FLAD1: variants seen among roughly 807,000 people sequenced by gnomAD.
FLAD1 encodes the protein bifunctional FAD diphosphatase/FAD synthase.
A neutral mutation model predicts 55.0 loss-of-function variants in FLAD1; 35 were observed. The observed-to-expected ratio is 0.64, with a 90% CI of 0.49 to 0.84. FLAD1 has a LOEUF of 0.84. FLAD1 is among the 40% of genes least tolerant of loss of function. The pLI, the probability that FLAD1 is intolerant of heterozygous loss-of-function variation, is 0.00. For synonymous variants in FLAD1, 267 were observed against 303.0 expected (o/e 0.88, Z 1.23); for missense variants, 665 against 742.6 (o/e 0.90, Z 1.21).
At chr1:154,984,212 G>A (rs910379106) in intron 1 of FLAD1, 146 bp downstream of exon 1, 5 of 651,656 alleles carry the variant, frequency 7.7e-6, no homozygotes, top group Non-Finnish European at 1.1e-5. Flanking sequence ...CATATTGGAG[G>A]AAAATTAACC....
chr1:154,992,520 A>C (rs1161741845), intron 5 of FLAD1, 193 bp from the exon 6 acceptor site: 2 of 1,549,366 alleles, frequency 1.3e-6, no homozygotes, highest in Admixed American at 3.5e-5. Flanking sequence ...TGGAAAGCAG[A>C]GAGTGGAGAA....
In FLAD1 at chr1:154,988,173, CCGAGTCT is replaced by C. The variant is rs1558074687; in HGVS notation, c.443_449del (p.Arg148GlnfsTer7). 1 of 1,614,240 alleles carries C rather than the reference CCGAGTCT, an allele frequency of 6.2e-7. No individual in the cohort carries two copies. Among genetic ancestry groups the C allele is most frequent in the Non-Finnish European group, 8.5e-7 (1 of 1,180,048 alleles). On this transcript the variant is annotated frameshift_variant, in exon 2 of 7. Transcript: ENST00000292180. LOFTEE classifies it high-confidence loss of function. ...TGCGCTCCCTAGGGGTCCAGGTTTG[CCGAGTCT>C]CAGTTGTACCTGATGAGGTAGCCAC... is the stretch of plus-strand genomic sequence containing the variant.
chr1:154,988,918 A>C, intron 2 of FLAD1, 69 bp downstream of exon 2: 1 of 1,598,156 alleles, frequency 6.3e-7, no homozygotes. Context: ...TCAGTAATGC[A>C]GGGGCTGTTG....
chr1:154,987,130 C>T (rs899795408), intron 1 of FLAD1, among the ~76,000 whole-genome samples: 3 of 152,014 alleles, frequency 2.0e-5, no homozygotes, highest in Non-Finnish European at 2.9e-5. Context: ...CAGGCTCAAG[C>T]AGCCCACCCA....
At chr1:154,990,775 T>C (rs1307784249) in intron 5 of FLAD1, 5 of 373,684 alleles carry the variant, frequency 1.3e-5, no homozygotes, top group Non-Finnish European at 1.4e-5. Context: ...CTGTCCAATA[T>C]AGCCATTAAT....
Position 154,985,031 on chromosome 1 carries a change from ATTTTTTTTTTTTTTTTTTTTT to A in FLAD1, c.372+978_372+998del, listed in dbSNP as rs749772991. ...AGGTGTTAGCCGCCACACCTGGCTA[ATTTTTTTTTTTTTTTTTTTTT>A]TTTTTTTTTTTTCAGAAACGGTCTC... is the stretch of plus-strand genomic sequence containing the variant. On this transcript the variant is annotated intron_variant, in intron 1 of 6. Transcript: ENST00000292180. Among the ~76,000 whole-genome samples the A allele has an allele frequency of 5.8e-4, 19 of 32,592 alleles. No individual in the cohort carries two copies. The Admixed American group carries it at 9.8e-3, about 17-fold the overall frequency. The allele number at this position is 32,592 out of a possible 152,430, so 21.4% of individuals were successfully genotyped here.
At chr1:154,984,441 C>T (rs1344911832) in intron 1 of FLAD1, among the ~76,000 whole-genome samples, 1 of 151,982 alleles carries the variant, frequency 6.6e-6, no homozygotes, top group African/African-American at 2.4e-5. Context: ...TGGCCGGGTG[C>T]GGTGGCTCAC....
intron 3 of FLAD1, 127 bp downstream of exon 3, chr1:154,989,834 C>T: frequency 3.8e-6 from 4 of 1,039,792 alleles, no homozygotes; most frequent in Non-Finnish European, 5.5e-6. Context: ...CTCTCAGTTC[C>T]ATTCTCCCAC....
At chr1:154,986,415 AC>A (rs1284438582) in intron 1 of FLAD1, among the ~76,000 whole-genome samples, 1 of 151,978 alleles carries the variant, frequency 6.6e-6, no homozygotes, top group Non-Finnish European at 1.5e-5. Flanking sequence ...ACAGAGTTTC[AC>A]CATTTTGGCC....
At chr1:154,991,665 C>T (rs1397408359) in intron 5 of FLAD1, among the ~76,000 whole-genome samples, 1 of 152,190 alleles carries the variant, frequency 6.6e-6, no homozygotes, top group Non-Finnish European at 1.5e-5. Flanking sequence ...GAAGTTCTGG[C>T]CAGGCACAGT....
rs749166789 is a variant in FLAD1 at position 154,988,864 on chromosome 1, G to GA, written c.1117+16dup. On this transcript the variant is annotated intron_variant, in intron 2 of 6. Transcript: ENST00000292180. Reference sequence around the variant, plus strand: ...CGCTGAATCAGGTAGGGACCTTATGGAGGAGGGGCATTATGCCCAAAGCCA... The same window carrying GA: ...CGCTGAATCAGGTAGGGACCTTATGGAAGGAGGGGCATTATGCCCAAAGCCA... 6.2e-7 allele frequency: 1 copy of GA among 1,613,942 alleles called. No individual in the cohort carries two copies. Among genetic ancestry groups the GA allele is most frequent in the Non-Finnish European group, 8.5e-7 (1 of 1,179,844 alleles).
chr1:154,990,606 G>A (rs911169079), intron 5 of FLAD1, 78 bp downstream of exon 5: 2 of 1,384,600 alleles, frequency 1.4e-6, no homozygotes, highest in South Asian at 1.5e-5. Context: ...CTGCAGTAGT[G>A]GGGAGGCTAG....
At chr1:154,985,031 ATTTTTTTTTTTTT>A (rs749772991) in intron 1 of FLAD1, among the ~76,000 whole-genome samples, 4 of 32,586 alleles carry the variant, frequency 1.2e-4, no homozygotes, top group Admixed American at 5.2e-4. Flanking sequence ...CACCTGGCTA[ATTTTTTTTTTTTT>A]TTTTTTTTTT....
chr1:154,989,130 TG>T, intron 2 of FLAD1: 5 of 710,958 alleles, frequency 7.0e-6, no homozygotes, highest in Non-Finnish European at 1.1e-5. Flanking sequence ...TGATCCTGCA[TG>T]GGGTGATGAA....
Position 154,983,873 on chromosome 1 carries a change from G to T in FLAD1, c.179G>T (p.Gly60Val), listed in dbSNP as rs908874898. ...TCGACCCAGGACCCCCTGTTCCCAG[G>T]CTATGGCCCCCAGTGCCCTGTAGAC... ...VPSTQDPLFP[G>V]YGPQCPVDLA... The change falls in exon 1 of 7, where the codon GGC (glycine) becomes GTC (valine). Residue 60 changes from glycine (G) to valine (V), a missense_variant. Physicochemically the swap from Gly to Val is moderately radical, Grantham distance 109. Coordinates refer to ENST00000292180, the MANE Select transcript of FLAD1 (RefSeq NM_025207.5). 1.2e-6 allele frequency: 2 copies of T among 1,613,988 alleles called. No homozygotes were observed. The highest frequency in any genetic ancestry group is 1.3e-5 in the African/African-American group (1 of 74,906).
rs148134209 is a variant in FLAD1, at chr1:154,988,379, G to C, written c.647G>C (p.Gly216Ala). The change falls in exon 2 of 7, where the codon GGC (glycine) becomes GCC (alanine). Residue 216 changes from glycine (G) to alanine (A), a missense_variant. Gly to Ala is a moderately conservative substitution (Grantham distance 60). Coordinates refer to ENST00000292180, the MANE Select transcript of FLAD1 (RefSeq NM_025207.5). The stretch of plus-strand genomic sequence containing the variant: ...GCCACCAAAGCCCTAGGAGGGGAAG[G>C]CTGGGAGAAGCTATCATTGGTGCCC... ...EAATKALGGEGWEKLSLVPSS... is the reference protein window; with the variant it reads ...EAATKALGGEAWEKLSLVPSS... 6.2e-7 allele frequency: 1 copy of C among 1,614,220 alleles called. No homozygotes were observed. Among genetic ancestry groups the C allele is most frequent in the Admixed American group, 1.7e-5 (1 of 60,028 alleles).
chr1:154,991,979 A>G (rs1657892405), intron 5 of FLAD1, among the ~76,000 whole-genome samples: 1 of 151,414 alleles, frequency 6.6e-6, no homozygotes, highest in African/African-American at 2.4e-5. Flanking sequence ...CATCTCTACT[A>G]AAAAAATACA....
At chr1:154,990,656 AGGCAG>A (rs777194502) in intron 5 of FLAD1, 128 bp downstream of exon 5, 19 of 880,202 alleles carry the variant, frequency 2.2e-5, no homozygotes, top group Non-Finnish European at 3.2e-5. Flanking sequence ...CATCCAAGGG[AGGCAG>A]TGCTATCTGT....
chr1:154,983,843 T>A lies in FLAD1; in HGVS notation c.149T>A (p.Val50Asp). Residue 50 changes from valine to aspartate, a missense_variant, in exon 1 of 7, where the codon GTT (valine) becomes GAT (aspartate). Physicochemically the swap from Val to Asp is radical, Grantham distance 152. Transcript: ENST00000292180. ...CATTGTCTTTTCTGGCTTCTCCAGG[T>A]TCCCTCGACCCAGGACCCCCTGTTC... The part of the protein sequence containing the change: ...LPHCLFWLLQ[V>D]PSTQDPLFPG... The A allele has an allele frequency of 6.2e-7, 1 of 1,614,058 alleles. No homozygotes were observed. The highest frequency in any genetic ancestry group is 8.5e-7 in the Non-Finnish European group (1 of 1,179,986).
Sources: allele counts gnomAD v4.1 joint callset (sites outside exome capture counted in the v4.1 genomes callset), GRCh38; gene constraint gnomAD v4.1.1; transcripts MANE v1.5; gene names NCBI Gene and HGNC (gene_info 2026-07-23, HGNC 2026-07-21).